The following PTPN11 variants were observed in gnomAD, a reference collection of about 807,000 sequenced individuals.
PTPN11 encodes protein tyrosine phosphatase non-receptor type 11.
PTPN11 carries 6 observed loss-of-function variants against 78.8 expected under a neutral mutation model. The ratio of observed to expected loss-of-function variants is 0.08; its 90% CI spans 0.04 to 0.15. The LOEUF is 0.15. Ranked by LOEUF, PTPN11 falls within the 10% of genes least tolerant of loss-of-function variation. The pLI is 1.00. For synonymous variants in PTPN11, 221 were observed against 263.5 expected (o/e 0.84, Z 1.56); for missense variants, 386 against 744.8 (o/e 0.52, Z 5.61).
At position 112,459,326 on chromosome 12, in the gene PTPN11, T is replaced by C. The variant is rs146284469; in HGVS notation, c.756+3263T>C. Among the ~76,000 whole-genome samples, 419 of 152,246 alleles carry C rather than the reference T, an allele frequency of 2.8e-3. 3 individuals carry two copies. Among genetic ancestry groups the C allele is most frequent in the African/African-American group, 8.3e-3 (346 of 41,556 alleles). ...AAAAGTAGAGAGAATGGGATAGTTA[T>C]AGCAGTATACCTGACACCCAGCATT... On this transcript the variant is annotated intron_variant, in intron 6 of 15. Transcript: ENST00000351677.
intron 1 of PTPN11, among the ~76,000 whole-genome samples, chr12:112,419,942 T>A (rs1287861296): frequency 6.6e-6 from 1 of 152,228 alleles, no homozygotes; most frequent in Non-Finnish European, 1.5e-5. Context: ...ATACTACTAC[T>A]AATAGCTAAC....
chr12:112,441,952 C>T (rs544425438), intron 1 of PTPN11, among the ~76,000 whole-genome samples: 13 of 151,586 alleles, frequency 8.6e-5, no homozygotes, highest in African/African-American at 1.7e-4. Context: ...AATTTTTTTG[C>T]ATTTTTAGTA....
At chr12:112,494,656 T>TAG (rs2038791886) in intron 13 of PTPN11, among the ~76,000 whole-genome samples, 1 of 152,222 alleles carries the variant, frequency 6.6e-6, no homozygotes, top group South Asian at 2.1e-4. Context: ...GAGCAGTATT[T>TAG]TGAAACCAAG....
chr12:112,474,645 TACTCTGTTGCCCAGGCTGGAGTGC>T (rs1443417509), intron 7 of PTPN11, among the ~76,000 whole-genome samples: 1 of 151,544 alleles, frequency 6.6e-6, no homozygotes, highest in East Asian at 2.0e-4. Context: ...GATAGGGTCT[TACTCTGTTGCCCAGGCTGGAGTGC>T]AGTGGCATGA....
chr12:112,453,723 G>A (rs183920754), intron 4 of PTPN11, among the ~76,000 whole-genome samples: 88 of 147,976 alleles, frequency 5.9e-4, no homozygotes, highest in African/African-American at 2.1e-3. Context: ...GCTCTGTCAC[G>A]CAGGCTGGAG....
intron 13 of PTPN11, among the ~76,000 whole-genome samples, chr12:112,495,976 AT>A (rs2038808827): frequency 6.6e-6 from 1 of 152,192 alleles, no homozygotes; most frequent in South Asian, 2.1e-4. Context: ...GAAGAAAGTC[AT>A]TTAGTTCAGA....
At position 112,453,383 on chromosome 12, in the gene PTPN11, G is replaced by A. The variant is rs1324123217; in HGVS notation, c.521G>A (p.Cys174Tyr). The A allele has an allele frequency of 6.2e-7, 1 of 1,613,890 alleles. No individual in the cohort carries two copies. Among genetic ancestry groups the A allele is most frequent in the East Asian group, 2.2e-5 (1 of 44,894 alleles). Residue 174 changes from cysteine (C) to tyrosine (Y), a missense_variant, in exon 4 of 16, where the codon TGT becomes TAT. By Grantham distance (194) the Cys-to-Tyr change is radical. Transcript: ENST00000351677. ...KSKVTHVMIR[C>Y]QELKYDVGGG... ...AAAGTGACCCATGTTATGATTCGCT[G>A]TCAGGTAAATCTCCAGTTGAAAAAT...
intron 10 of PTPN11, among the ~76,000 whole-genome samples, chr12:112,485,893 A>G (rs2038666768): frequency 6.6e-6 from 1 of 151,970 alleles, no homozygotes; most frequent in Non-Finnish European, 1.5e-5. Context: ...AGGCAGGAGA[A>G]TGGCTTGAAC....
At chr12:112,442,206 C>A (rs747876522) in intron 1 of PTPN11, among the ~76,000 whole-genome samples, 1 of 152,036 alleles carries the variant, frequency 6.6e-6, no homozygotes, top group Non-Finnish European at 1.5e-5. Context: ...ATAAGAGTTG[C>A]AAAATAGTAC....
chr12:112,421,843 G>T (rs1284634911), intron 1 of PTPN11, among the ~76,000 whole-genome samples: 1 of 152,058 alleles, frequency 6.6e-6, no homozygotes, highest in African/African-American at 2.4e-5. Context: ...GGCCAGGCTG[G>T]TCTCAAACTC....
At chr12:112,425,745 T>G (rs1020641515) in intron 1 of PTPN11, among the ~76,000 whole-genome samples, 1 of 152,156 alleles carries the variant, frequency 6.6e-6, no homozygotes, top group African/African-American at 2.4e-5. Context: ...CTCTCTTTTT[T>G]TGAGACAAGG....
In PTPN11 at chr12:112,456,015, A is replaced by G; in HGVS notation, c.708A>G (p.Leu236=). Reference sequence around the variant, plus strand: ...GCAGAGTTCGAGAACTAAGCAAATTAGCTGAGACCACAGATAAAGTCAAAC... The same window carrying G: ...GCAGAGTTCGAGAACTAAGCAAATTGGCTGAGACCACAGATAAAGTCAAAC... The part of the protein sequence containing the change: ...IESRVRELSK[L]AETTDKVKQG... Residue 236 remains leucine, a synonymous_variant, in exon 6 of 16, where the codon TTA becomes TTG. Transcript: ENST00000351677. 1 of 1,613,278 alleles carries G rather than the reference A, an allele frequency of 6.2e-7. No individual in the cohort carries two copies. The highest frequency in any genetic ancestry group is 8.5e-7 in the Non-Finnish European group (1 of 1,179,300).
chr12:112,451,406 A>G (rs1592827295), intron 3 of PTPN11, among the ~76,000 whole-genome samples: 1 of 152,228 alleles, frequency 6.6e-6, no homozygotes, highest in Admixed American at 6.5e-5. Context: ...CCATGATAGT[A>G]CTTGCTTTCT....
At chr12:112,483,319 C>T (rs1312215913) in intron 10 of PTPN11, among the ~76,000 whole-genome samples, 1 of 152,004 alleles carries the variant, frequency 6.6e-6, no homozygotes, top group African/African-American at 2.4e-5. Flanking sequence ...TCCCATGTAG[C>T]TGGGGGCTAC....
At chr12:112,445,297 A>T (rs922589604) in intron 1 of PTPN11, among the ~76,000 whole-genome samples, 1 of 151,812 alleles carries the variant, frequency 6.6e-6, no homozygotes, top group African/African-American at 2.4e-5. Context: ...ACGCCCACCT[A>T]ATTTTTGTAT....
chr12:112,484,221 C>T (rs941473438), intron 10 of PTPN11, among the ~76,000 whole-genome samples: 6 of 152,126 alleles, frequency 3.9e-5, no homozygotes, highest in African/African-American at 1.2e-4. Context: ...AAGATGAAAT[C>T]GTAATTGTGT....
chr12:112,472,771 G>T (rs2038438913), intron 6 of PTPN11, among the ~76,000 whole-genome samples, 173 bp from the exon 7 acceptor site: 1 of 152,144 alleles, frequency 6.6e-6, no homozygotes, highest in Non-Finnish European at 1.5e-5. Flanking sequence ...AAAGTGTGGG[G>T]ATTACAGGTG....
intron 13 of PTPN11, among the ~76,000 whole-genome samples, chr12:112,496,819 A>G (rs574172516): frequency 1.3e-5 from 2 of 152,356 alleles, no homozygotes; most frequent in South Asian, 2.1e-4. Context: ...GCGTCTCTAC[A>G]CTTCAGTATA....
chr12:112,465,533 G>A (rs950023659), intron 6 of PTPN11, among the ~76,000 whole-genome samples: 6 of 151,990 alleles, frequency 3.9e-5, no homozygotes, highest in African/African-American at 7.2e-5. Context: ...CATTGCAACC[G>A]ACTGCAAGGC....
Sources: gnomAD v4.1 joint callset for allele counts (sites outside exome capture counted in the v4.1 genomes callset) on GRCh38, gnomAD v4.1.1 for gene constraint, MANE v1.5 for transcripts, NCBI Gene and HGNC (gene_info 2026-07-23, HGNC 2026-07-21) for gene names.